The following UTRN variants were observed in gnomAD, a reference collection of about 807,000 sequenced individuals.
The protein encoded by UTRN is utrophin.
A neutral mutation model predicts 463.9 loss-of-function variants in UTRN; 283 were observed. The observed-to-expected ratio is 0.61, with a 90% CI of 0.55 to 0.67. The LOEUF is 0.67. Ranked by LOEUF, UTRN falls within the 30% of genes least tolerant of loss-of-function variation. The probability of loss-of-function intolerance (pLI) is 0.00; values close to 1 mark genes in which losing one functional copy is unlikely to be tolerated. For missense variants in UTRN, 3,922 were observed against 4,084.3 expected (o/e 0.96, Z 1.08); for synonymous variants, 1,442 against 1,431.5 (o/e 1.01, Z -0.17).
intron 51 of UTRN, among the ~76,000 whole-genome samples, chr6:144,622,407 T>TA (rs1212899929): frequency 6.6e-6 from 1 of 151,946 alleles, no homozygotes; most frequent in Non-Finnish European, 1.5e-5. Flanking sequence ...GGCTGGTATC[T>TA]AACTCCTGAC....
At chr6:144,397,257 T>A (rs1257623537) in intron 2 of UTRN, among the ~76,000 whole-genome samples, 1 of 150,804 alleles carries the variant, frequency 6.6e-6, no homozygotes, top group Admixed American at 6.6e-5. Flanking sequence ...AAAAAAAAAA[T>A]GTTCCTCTGA....
chr6:144,673,362 T>G (rs1345154633), intron 51 of UTRN, among the ~76,000 whole-genome samples: 1 of 152,108 alleles, frequency 6.6e-6, no homozygotes, highest in Non-Finnish European at 1.5e-5. Flanking sequence ...GCTCCTATGT[T>G]AGGTGTATGG....
At chr6:144,357,457 T>C (rs1466094255) in intron 2 of UTRN, among the ~76,000 whole-genome samples, 2 of 152,230 alleles carry the variant, frequency 1.3e-5, no homozygotes, top group East Asian at 3.8e-4. Flanking sequence ...CCACAAATAG[T>C]GTTTTATTTG....
At chr6:144,516,453 C>T (rs1177501468) in intron 38 of UTRN, 66 bp downstream of exon 38, 36 of 1,506,550 alleles carry the variant, frequency 2.4e-5, no homozygotes, top group Non-Finnish European at 3.0e-5. Flanking sequence ...TTCATTTTTA[C>T]ATCAAGATGT....
intron 17 of UTRN, 25 bp downstream of exon 17, chr6:144,448,794 C>A: frequency 6.2e-7 from 1 of 1,609,638 alleles, no homozygotes; most frequent in Non-Finnish European, 8.5e-7. Context: ...AGAAATTGTT[C>A]AAATCCAATA....
At chr6:144,672,212 G>T (rs886770901) in intron 51 of UTRN, among the ~76,000 whole-genome samples, 1 of 151,988 alleles carries the variant, frequency 6.6e-6, no homozygotes, top group Non-Finnish European at 1.5e-5. Context: ...CTGTCTTGTG[G>T]AATAGTGTCA....
chr6:144,433,337 G>A (rs760741229), intron 9 of UTRN, among the ~76,000 whole-genome samples: 3 of 149,218 alleles, frequency 2.0e-5, no homozygotes, highest in Admixed American at 2.0e-4. Context: ...CCTCCCTCCC[G>A]GACGGGGCGG....
At chr6:144,750,241 T>C (rs574717990) in intron 55 of UTRN, among the ~76,000 whole-genome samples, 106 of 144,048 alleles carry the variant, frequency 7.4e-4, no homozygotes, top group African/African-American at 2.5e-3. Context: ...TCTATTACCA[T>C]ACAACTGCTC....
intron 4 of UTRN, among the ~76,000 whole-genome samples, chr6:144,422,612 C>T (rs566857928): frequency 1.1e-3 from 171 of 149,628 alleles, no homozygotes; most frequent in Non-Finnish European, 1.2e-3. Context: ...AGTGAGACTC[C>T]GTCTCAAAAA....
chr6:144,463,867 A>G (rs759904889), intron 23 of UTRN, among the ~76,000 whole-genome samples: 2 of 151,404 alleles, frequency 1.3e-5, no homozygotes, highest in Non-Finnish European at 2.9e-5. Flanking sequence ...ATATGTGTAG[A>G]TATATATCTA....
intron 50 of UTRN, among the ~76,000 whole-genome samples, chr6:144,557,563 T>C (rs542733202): frequency 1.3e-5 from 2 of 152,248 alleles, no homozygotes; most frequent in South Asian, 2.1e-4. Flanking sequence ...ACCTTGCCAA[T>C]GATTATGTGT....
At chr6:144,667,533 G>T (rs1205179474) in intron 51 of UTRN, among the ~76,000 whole-genome samples, 1 of 152,206 alleles carries the variant, frequency 6.6e-6, no homozygotes, top group African/African-American at 2.4e-5. Flanking sequence ...GCAAAGAGGT[G>T]CCTTGCTTGT....
At chr6:144,713,149 C>G (rs756700552) in intron 53 of UTRN, among the ~76,000 whole-genome samples, 2 of 152,094 alleles carry the variant, frequency 1.3e-5, no homozygotes, top group Non-Finnish European at 2.9e-5. Flanking sequence ...ATCAGAAAAT[C>G]TGAAATTCAA....
At chr6:144,792,484 T>A (rs1586593231) in intron 62 of UTRN, among the ~76,000 whole-genome samples, 1 of 151,634 alleles carries the variant, frequency 6.6e-6, no homozygotes, top group African/African-American at 2.4e-5. Flanking sequence ...TAGGTGGAGG[T>A]TGCAGCGAGC....
chr6:144,572,392 A>C lies in UTRN; in HGVS notation c.7290-4707A>C, dbSNP rs376106206. Among the ~76,000 whole-genome samples, 13 of 152,042 alleles carry C rather than the reference A, an allele frequency of 8.6e-5. No individual in the cohort carries two copies. The East Asian group carries it at 1.5e-3, about 18-fold the overall frequency. ...TTATTATTTTTAGTTTTTTTAAAAA[A>C]ATTTTTACTTTAAGTTCTGGGATAC... On this transcript the variant is annotated intron_variant, in intron 50 of 74. Transcript: ENST00000367545.
chr6:144,631,225 G>A (rs1163897837), intron 51 of UTRN, among the ~76,000 whole-genome samples: 1 of 136,252 alleles, frequency 7.3e-6, no homozygotes. Flanking sequence ...GTGTGTGTGT[G>A]TGAGAGAGAG....
intron 50 of UTRN, among the ~76,000 whole-genome samples, chr6:144,558,200 C>T (rs78260650): frequency 0.028 from 4,227 of 152,198 alleles, 203 homozygotes; most frequent in African/African-American, 0.097. Context: ...ACGTTTTATA[C>T]ACTTCCAGAG....
In UTRN at chr6:144,347,837, G is replaced by GTTTT. The variant is rs560581181; in HGVS notation, c.80-55277_80-55274dup. ...TCTCCTGAACTGTGGCTTATTCTTT[G>GTTTT]TTTTTTTTTTTTGTTTTTTTTTTTG... On this transcript the variant is annotated intron_variant, in intron 2 of 74. Coordinates refer to ENST00000367545, the MANE Select transcript of UTRN (RefSeq NM_007124.3). Among the ~76,000 whole-genome samples the GTTTT allele has an allele frequency of 6.1e-3, 783 of 128,788 alleles. 70 individuals carry two copies. Among genetic ancestry groups the GTTTT allele is most frequent in the African/African-American group, 0.024 (692 of 29,380 alleles). 84.5% of individuals were successfully genotyped at this position (128,788 alleles called of 152,430 possible). A position where few individuals can be genotyped will look rare whatever the true frequency, so the allele number is the denominator to read the frequency against.
intron 62 of UTRN, among the ~76,000 whole-genome samples, chr6:144,790,171 G>C (rs1024327312): frequency 2.6e-5 from 4 of 152,222 alleles, no homozygotes; most frequent in African/African-American, 9.6e-5. Context: ...AATGGTAGCA[G>C]TTGCTGCTGA....
Sources: allele counts gnomAD v4.1 joint callset (sites outside exome capture counted in the v4.1 genomes callset), GRCh38; gene constraint gnomAD v4.1.1; transcripts MANE v1.5; gene names NCBI Gene and HGNC (gene_info 2026-07-23, HGNC 2026-07-21).